The following DNAJB6 variants were observed in gnomAD, a reference collection of about 807,000 sequenced individuals.
DNAJB6 encodes the protein DnaJ heat shock protein family (Hsp40) member B6.
In DNAJB6, 16 loss-of-function variants were observed where a neutral mutation model predicts 42.7. The observed-to-expected ratio is 0.37, with a 90% CI of 0.25 to 0.57. The LOEUF (loss-of-function observed/expected upper bound fraction) is 0.57, where lower values mean the gene tolerates loss of function less well. DNAJB6 is among the 20% of genes least tolerant of loss of function. The pLI, the probability that DNAJB6 is intolerant of heterozygous loss-of-function variation, is 0.74. For synonymous variants in DNAJB6, 170 were observed against 163.5 expected, an observed-to-expected ratio of 1.04 and a Z score of -0.30; for missense variants, 347 against 416.8, an observed-to-expected ratio of 0.83 and a Z score of 1.46.
intron 2 of DNAJB6, 124 bp downstream of exon 2, chr7:157,358,761 C>T: frequency 1.4e-6 from 1 of 738,606 alleles, no homozygotes; most frequent in Non-Finnish European, 2.3e-6. Flanking sequence ...TTGAATGCCA[C>T]ATAGTTTAAT....
intron 8 of DNAJB6, among the ~76,000 whole-genome samples, chr7:157,394,986 G>A (rs1333522574): frequency 3.3e-5 from 5 of 152,136 alleles, no homozygotes; most frequent in Non-Finnish European, 5.9e-5. Flanking sequence ...AGCTACTCAG[G>A]AGGCTAAGGT....
At chr7:157,379,830 G>C (rs1385483811) in intron 5 of DNAJB6, 1 of 51,248 alleles carries the variant, frequency 2.0e-5, no homozygotes, top group Non-Finnish European at 3.7e-5. Flanking sequence ...TTTTTTTTTT[G>C]AGATGGACTC....
At chr7:157,371,747 T>G (rs1800221667) in intron 5 of DNAJB6, among the ~76,000 whole-genome samples, 1 of 152,244 alleles carries the variant, frequency 6.6e-6, no homozygotes, top group Admixed American at 6.5e-5. Context: ...CTTTATTTTA[T>G]TATTAGAGGA....
intron 1 of DNAJB6, among the ~76,000 whole-genome samples, chr7:157,350,815 G>T (rs1798933430): frequency 6.6e-6 from 1 of 151,392 alleles, no homozygotes; most frequent in East Asian, 1.9e-4. Flanking sequence ...TCAGCCTCCC[G>T]AGTCTTAGCT....
At chr7:157,377,296 C>G (rs1800522152) in intron 5 of DNAJB6, among the ~76,000 whole-genome samples, 1 of 152,168 alleles carries the variant, frequency 6.6e-6, no homozygotes, top group East Asian at 1.9e-4. Flanking sequence ...CATGACTCCC[C>G]AGACCCCTTA....
chr7:157,416,172 C>T lies in DNAJB6; in HGVS notation c.*74C>T, dbSNP rs1213977664. 2.5e-5 allele frequency: 39 copies of T among 1,565,404 alleles called. No homozygotes were observed. In the South Asian group the frequency reaches 3.2e-4, roughly 13 times the overall value. ...TGCTCGGCATGCGGTCGTGCACACG[C>T]GCTAGGTAGCAGCGTCGGTCAGGAC... On this transcript the variant is annotated 3_prime_UTR_variant, in exon 10 of 10. Coordinates refer to ENST00000262177, the MANE Select transcript of DNAJB6 (RefSeq NM_058246.4).
intron 3 of DNAJB6, among the ~76,000 whole-genome samples, chr7:157,364,095 C>CA (rs200155406): frequency 0.041 from 6,167 of 151,136 alleles, 150 homozygotes; most frequent in Non-Finnish European, 0.049. Context: ...TTATTTACAA[C>CA]AAAAAAAATT....
At chr7:157,339,776 C>G (rs972647065) in intron 1 of DNAJB6, 5 of 152,384 alleles carry the variant, frequency 3.3e-5, no homozygotes, top group Non-Finnish European at 5.9e-5. Context: ...CAGGCATGCG[C>G]CACCACGCCC....
At chr7:157,400,733 C>G (rs968942314) in intron 8 of DNAJB6, among the ~76,000 whole-genome samples, 2 of 152,162 alleles carry the variant, frequency 1.3e-5, no homozygotes, top group Non-Finnish European at 2.9e-5. Flanking sequence ...TGATGAGGCA[C>G]ACAGGTCATG....
At chr7:157,375,162 A>G (rs1800409451) in intron 5 of DNAJB6, among the ~76,000 whole-genome samples, 1 of 152,198 alleles carries the variant, frequency 6.6e-6, no homozygotes. Context: ...CAGTATTTAT[A>G]GGCAGTATGA....
At chr7:157,389,336 A>G (rs1440950995) in intron 8 of DNAJB6, among the ~76,000 whole-genome samples, 1 of 152,264 alleles carries the variant, frequency 6.6e-6, no homozygotes, top group Non-Finnish European at 1.5e-5. Context: ...TTGGCATATT[A>G]TCTCTGTTAT....
At chr7:157,362,795 C>G (rs1799669395) in intron 2 of DNAJB6, among the ~76,000 whole-genome samples, 1 of 152,162 alleles carries the variant, frequency 6.6e-6, no homozygotes. Flanking sequence ...TATTCTAAAA[C>G]TTACTTTAAT....
chr7:157,386,394 C>A lies in DNAJB6; in HGVS notation c.691+783C>A, dbSNP rs189470562. 1.7e-4 allele frequency: 136 copies of A among 818,324 alleles called. 1 individual carries two copies. The African/African-American group carries it at 2.3e-3, about 14-fold the overall frequency. The allele number at this position is 818,324 out of a possible 1,614,324, so 50.7% of individuals were successfully genotyped here. ...CACTTTAATAGCGTTTCGTGCTGTT[C>A]ATTCAGGTGGATGCCGCACCTCAGT... On this transcript the variant is annotated intron_variant, in intron 8 of 9. Transcript: ENST00000262177.
At chr7:157,405,631 C>T (rs1795737877) in intron 8 of DNAJB6, among the ~76,000 whole-genome samples, 2 of 152,188 alleles carry the variant, frequency 1.3e-5, no homozygotes, top group Admixed American at 6.5e-5. Context: ...CCTGTCATGG[C>T]GTGGAGCTCA....
intron 8 of DNAJB6, among the ~76,000 whole-genome samples, chr7:157,398,614 G>T (rs887763949): frequency 1.3e-5 from 2 of 152,136 alleles, no homozygotes; most frequent in Admixed American, 6.5e-5. Context: ...GTGTGTTTTT[G>T]GCTTGAGGGG....
At position 157,358,567 on chromosome 7, in the gene DNAJB6, TA is replaced by T. The variant is rs773321626; in HGVS notation, c.-2del. 1.2e-5 allele frequency: 19 copies of T among 1,613,284 alleles called. No individual in the cohort carries two copies. The highest frequency in any genetic ancestry group is 1.5e-5 in the Non-Finnish European group (18 of 1,179,326). ...TGCAGGACCCATTCCAACAATCTCG[TA>T]AAACATGGTGGATTACTATGAAGTT... On this transcript the variant is annotated 5_prime_UTR_variant, in exon 2 of 10. Transcript: ENST00000262177.
At chr7:157,363,356 G>T (rs1799699386) in intron 3 of DNAJB6, 86 bp downstream of exon 3, 4 of 810,074 alleles carry the variant, frequency 4.9e-6, no homozygotes, top group African/African-American at 1.7e-5. Flanking sequence ...GGGTAGCACA[G>T]TATGGACTCA....
intron 8 of DNAJB6, among the ~76,000 whole-genome samples, chr7:157,395,616 G>T (rs1801545176): frequency 1.3e-5 from 2 of 151,158 alleles, no homozygotes; most frequent in Non-Finnish European, 2.9e-5. Context: ...GATGTCTTTA[G>T]AAAAATAAAA....
At chr7:157,343,831 A>C (rs1020894010) in intron 1 of DNAJB6, among the ~76,000 whole-genome samples, 7 of 152,132 alleles carry the variant, frequency 4.6e-5, no homozygotes, top group Non-Finnish European at 7.3e-5. Context: ...ATTAATGGCG[A>C]TTAGGCTAAT....
Sources: allele counts gnomAD v4.1 joint callset (sites outside exome capture counted in the v4.1 genomes callset), GRCh38; gene constraint gnomAD v4.1.1; transcripts MANE v1.5; gene names NCBI Gene and HGNC (gene_info 2026-07-23, HGNC 2026-07-21).